CCDC30: variants seen among roughly 807,000 people sequenced by gnomAD.
CCDC30 encodes coiled-coil domain-containing protein 30.
In CCDC30, 70 loss-of-function variants were observed where a neutral mutation model predicts 100.2. The ratio of observed to expected loss-of-function variants is 0.70; its 90% CI spans 0.58 to 0.85. The LOEUF is 0.85. CCDC30 is among the 40% of genes least tolerant of loss of function. The pLI is 0.00. For missense variants in CCDC30, 652 were observed against 771.2 expected (o/e 0.85, Z 1.83); for synonymous variants, 233 against 269.5 (o/e 0.86, Z 1.33).
intron 6 of CCDC30, among the ~76,000 whole-genome samples, chr1:42,553,382 T>TTTGTTTTATATATAATG (rs1553193941): frequency 6.6e-6 from 1 of 152,010 alleles, no homozygotes; most frequent in Non-Finnish European, 1.5e-5. Context: ...TCTTTTAATG[T>TTTGTTTTATATATAATG]TTGTTTTATA....
At chr1:42,459,455 C>T (rs1643343148), upstream of CCDC30, 4 of 729,864 alleles carry the variant, frequency 5.5e-6, no homozygotes, top group African/African-American at 5.3e-5. Flanking sequence ...CCACTGTGTT[C>T]CCCTAAGACT....
At chr1:42,499,728 C>T (rs1438691292) in intron 6 of CCDC30, among the ~76,000 whole-genome samples, 3 of 152,010 alleles carry the variant, frequency 2.0e-5, no homozygotes, top group Non-Finnish European at 4.4e-5. Context: ...AATCTTCTTG[C>T]CTCCCAAAGT....
At chr1:42,544,061 T>C (rs1472871152) in intron 6 of CCDC30, among the ~76,000 whole-genome samples, 5 of 152,188 alleles carry the variant, frequency 3.3e-5, no homozygotes, top group African/African-American at 1.2e-4. Flanking sequence ...TCTATTTGTT[T>C]GTTTATTTGG....
At chr1:42,520,219 A>C (rs1389229011) in intron 6 of CCDC30, among the ~76,000 whole-genome samples, 2 of 150,136 alleles carry the variant, frequency 1.3e-5, no homozygotes, top group Non-Finnish European at 1.5e-5. Context: ...GATCTTTCTT[A>C]TTTTTTACTG....
At chr1:42,653,847 T>C in exon 17 of CCDC30, 1 of 1,614,066 alleles carries the variant, frequency 6.2e-7, no homozygotes, top group South Asian at 1.1e-5. Context: ...GTAGAGTCAT[T>C]TGCAAGTCTT....
chr1:42,610,407 A>T (rs989091373), intron 10 of CCDC30, among the ~76,000 whole-genome samples: 2 of 151,672 alleles, frequency 1.3e-5, no homozygotes, highest in African/African-American at 2.4e-5. Flanking sequence ...AAGCTGGGAG[A>T]TTTTTTGTTT....
At chr1:42,598,344 C>T (rs987326943) in intron 10 of CCDC30, among the ~76,000 whole-genome samples, 8 of 149,700 alleles carry the variant, frequency 5.3e-5, no homozygotes, top group African/African-American at 2.0e-4. Context: ...TAGTGATAAC[C>T]TTATCTCTAC....
chr1:42,487,740 T>G (rs565377493), intron 3 of CCDC30, among the ~76,000 whole-genome samples: 1 of 152,078 alleles, frequency 6.6e-6, no homozygotes, highest in South Asian at 2.1e-4. Context: ...CAACTGACAG[T>G]CAGTGAGGAG....
chr1:42,548,144 G>C (rs897929414), intron 6 of CCDC30, among the ~76,000 whole-genome samples: 1 of 152,182 alleles, frequency 6.6e-6, no homozygotes, highest in Admixed American at 6.5e-5. Context: ...AGGATGATGA[G>C]AATGAAGAGG....
At chr1:42,631,456 A>C (rs1306250399) in intron 11 of CCDC30, among the ~76,000 whole-genome samples, 1 of 152,162 alleles carries the variant, frequency 6.6e-6, no homozygotes, top group Non-Finnish European at 1.5e-5. Flanking sequence ...GTCTCTCCCA[A>C]GTCCTGCTGT....
chr1:42,553,005 C>A (rs1172720749), intron 6 of CCDC30, among the ~76,000 whole-genome samples: 6 of 152,130 alleles, frequency 3.9e-5, no homozygotes, highest in Non-Finnish European at 8.8e-5. Context: ...ATTGGAATCC[C>A]TTATTACAGC....
intron 6 of CCDC30, among the ~76,000 whole-genome samples, chr1:42,562,691 A>T (rs1291092733): frequency 1.3e-5 from 2 of 152,138 alleles, no homozygotes; most frequent in East Asian, 3.9e-4. Context: ...TGGGGGAAAA[A>T]TTTTGCCATC....
At chr1:42,493,200 A>C (rs1047940067) in intron 4 of CCDC30, among the ~76,000 whole-genome samples, 3 of 152,076 alleles carry the variant, frequency 2.0e-5, no homozygotes, top group Non-Finnish European at 4.4e-5. Context: ...GAATATAATT[A>C]AATATAATAA....
chr1:42,514,425 A>G (rs752910078), intron 6 of CCDC30, among the ~76,000 whole-genome samples: 1 of 152,034 alleles, frequency 6.6e-6, no homozygotes, highest in Non-Finnish European at 1.5e-5. Flanking sequence ...TTTTATTATA[A>G]CCATCCTAGC....
exon 7 of CCDC30, chr1:42,566,417 G>A (rs1015508277): frequency 3.7e-6 from 6 of 1,613,812 alleles, no homozygotes; most frequent in Non-Finnish European, 5.1e-6. Context: ...CGATATGAAC[G>A]AGGGCAGAAC....
intron 6 of CCDC30, among the ~76,000 whole-genome samples, chr1:42,546,511 G>A (rs541444108): frequency 7.2e-4 from 104 of 145,392 alleles, no homozygotes; most frequent in African/African-American, 2.5e-3. Flanking sequence ...AAAGTATAAG[G>A]AAATTATAAC....
chr1:42,575,224 C>T (rs1007306631), intron 7 of CCDC30, among the ~76,000 whole-genome samples: 1 of 152,062 alleles, frequency 6.6e-6, no homozygotes, highest in South Asian at 2.1e-4. Flanking sequence ...ATGAGCCTTC[C>T]CTGCCCAGTG....
chr1:42,494,322 A>G (rs1644194960), intron 4 of CCDC30, among the ~76,000 whole-genome samples: 1 of 152,212 alleles, frequency 6.6e-6, no homozygotes. Context: ...CTGAAACTGG[A>G]TTCCTTCCTT....
chr1:42,618,050 A>G (rs1646758454), intron 11 of CCDC30, among the ~76,000 whole-genome samples: 1 of 152,170 alleles, frequency 6.6e-6, no homozygotes, highest in South Asian at 2.1e-4. Flanking sequence ...TTTCACTATT[A>G]TAATTTCTTC....
Sources: gnomAD v4.1 joint callset for allele counts (sites outside exome capture counted in the v4.1 genomes callset) on GRCh38, gnomAD v4.1.1 for gene constraint, MANE v1.5 for transcripts, NCBI Gene and HGNC (gene_info 2026-07-23, HGNC 2026-07-21) for gene names.